The following KDM1B variants were observed in gnomAD, a reference collection of about 807,000 sequenced individuals.
KDM1B encodes the protein lysine demethylase 1B.
In KDM1B, 63 loss-of-function variants were observed where a neutral mutation model predicts 107.4. The ratio of observed to expected loss-of-function variants is 0.59; its 90% CI spans 0.48 to 0.72. The LOEUF (loss-of-function observed/expected upper bound fraction) is 0.72. KDM1B is among the 30% of genes least tolerant of loss of function. KDM1B has a pLI of 0.00. For synonymous variants in KDM1B, 363 were observed against 363.9 expected (o/e 1.00, Z 0.03); for missense variants, 749 against 1,020.8 (o/e 0.73, Z 3.63).
intron 16 of KDM1B, 139 bp downstream of exon 16, chr6:18,207,668 T>C (rs1367417610): frequency 5.3e-6 from 5 of 942,558 alleles, no homozygotes; most frequent in Middle Eastern, 2.6e-4. Context: ...GGCTCATTCG[T>C]AGCCTGTGTA....
intron 5 of KDM1B, among the ~76,000 whole-genome samples, chr6:18,163,717 T>A (rs1195797864): frequency 6.6e-6 from 1 of 152,230 alleles, no homozygotes; most frequent in Non-Finnish European, 1.5e-5. Context: ...TTTACAAATA[T>A]TTGGGACACC....
chr6:18,160,048 G>T (rs1784875252), intron 3 of KDM1B, 66 bp downstream of exon 3: 3 of 1,068,618 alleles, frequency 2.8e-6, no homozygotes, highest in South Asian at 1.5e-5. Context: ...TGGGACTGGA[G>T]AATTAGAGTT....
In KDM1B at chr6:18,185,823, G is replaced by C. The variant is rs747817790; in HGVS notation, c.573+13G>C. On this transcript the variant is annotated intron_variant, in intron 8 of 21. Coordinates refer to ENST00000650836, the MANE Select transcript of KDM1B (RefSeq NM_001364614.2). ...CCCAGAGGATCTAGTGAGTATTTCC[G>C]GATGGTGTGGATTGGGGTTAATTGT... 10 of 1,612,350 alleles carry C rather than the reference G, an allele frequency of 6.2e-6. No individual in the cohort carries two copies. In the South Asian group the frequency reaches 9.9e-5, roughly 16 times the overall value.
At chr6:18,178,265 T>C (rs1786173946) in intron 7 of KDM1B, among the ~76,000 whole-genome samples, 1 of 151,750 alleles carries the variant, frequency 6.6e-6, no homozygotes, top group Non-Finnish European at 1.5e-5. Context: ...TTTACATTTT[T>C]AGTAGAGATG....
At chr6:18,192,888 A>G (rs1037868725) in intron 10 of KDM1B, among the ~76,000 whole-genome samples, 2 of 152,080 alleles carry the variant, frequency 1.3e-5, no homozygotes, top group African/African-American at 4.8e-5. Context: ...GTTTTTCATA[A>G]GATACAATTT....
intron 20 of KDM1B, among the ~76,000 whole-genome samples, chr6:18,215,566 T>G (rs1325249433): frequency 3.3e-5 from 5 of 152,108 alleles, no homozygotes. Flanking sequence ...CACTTTAAAG[T>G]AATTACCCAT....
chr6:18,210,342 C>CTTTTTTTTTGT (rs1788743442), intron 17 of KDM1B, among the ~76,000 whole-genome samples: 1 of 69,990 alleles, frequency 1.4e-5, no homozygotes. Context: ...TCTTTCTTTT[C>CTTTTTTTTTGT]TTTTTTTTTT....
chr6:18,200,355 C>T lies in KDM1B; in HGVS notation c.1222-84C>T. On this transcript the variant is annotated intron_variant, in intron 12 of 21. Coordinates refer to ENST00000650836, the MANE Select transcript of KDM1B (RefSeq NM_001364614.2). This position sits in a 1 kb window ranked among gnomAD's most constrained non-coding sequence, Gnocchi z 4.3. Reference sequence around the variant, plus strand: ...TTAACCAAATATAGAGGCTATTTAACAGTGTCCTTCTACATTTTTATAATA... The same window carrying T: ...TTAACCAAATATAGAGGCTATTTAATAGTGTCCTTCTACATTTTTATAATA... 2 of 1,293,878 alleles carry T rather than the reference C, an allele frequency of 1.5e-6. No homozygotes were observed. Among genetic ancestry groups the T allele is most frequent in the Non-Finnish European group, 2.1e-6 (2 of 935,146 alleles). The allele number at this position is 1,293,878 out of a possible 1,614,324, so 80.1% of individuals were successfully genotyped here.
rs1430255707 is a variant in KDM1B, at chr6:18,201,346, C to T, written c.1360-140C>T. On this transcript the variant is annotated intron_variant, in intron 13 of 21. Transcript: ENST00000650836. The surrounding 1 kb of genome is among the most constrained non-coding windows in gnomAD (Gnocchi z 4.3). ...CACTGCCTGACTTTGCTGCCATTCC[C>T]CGTGAAGCATATTTAGCTTTATTTT... is the stretch of plus-strand genomic sequence containing the variant. 3 of 620,922 alleles carry T rather than the reference C, an allele frequency of 4.8e-6. No homozygotes were observed. The highest frequency in any genetic ancestry group is 8.3e-6 in the Non-Finnish European group (3 of 360,338). 38.5% of individuals were successfully genotyped at this position (620,922 alleles called of 1,614,324 possible). A position where few individuals can be genotyped will look rare whatever the true frequency, so the allele number is the denominator to read the frequency against.
intron 6 of KDM1B, among the ~76,000 whole-genome samples, chr6:18,170,442 G>A (rs537566237): frequency 4.5e-4 from 69 of 152,048 alleles, no homozygotes; most frequent in African/African-American, 1.3e-3. Flanking sequence ...TAGTATGCAT[G>A]CTTTTTGACT....
chr6:18,212,566 A>T lies in KDM1B; in HGVS notation c.1945A>T (p.Lys649Ter), dbSNP rs764813465. Residue 649 changes from lysine (K) to a stop codon, truncating the protein, a stop_gained, in exon 18 of 22, where the codon AAG (lysine) becomes TAG (stop). Transcript: ENST00000650836. LOFTEE classifies it high-confidence loss of function. The surrounding 1 kb of genome is among the most constrained non-coding windows in gnomAD (Gnocchi z 5.2). The part of the protein sequence containing the change: ...FNPPLSEKKM[K>*]AINSLGAGII... Reference sequence around the variant, plus strand: ...TCCACCGTTGTCAGAGAAGAAGATGAAGGCTATCAACAGCTTAGGCGCAGG... The same window carrying T: ...TCCACCGTTGTCAGAGAAGAAGATGTAGGCTATCAACAGCTTAGGCGCAGG... 6.2e-7 allele frequency: 1 copy of T among 1,614,096 alleles called. No individual in the cohort carries two copies. The highest frequency in any genetic ancestry group is 1.1e-5 in the South Asian group (1 of 91,084).
chr6:18,217,919 A>G, intron 21 of KDM1B, 34 bp downstream of exon 21: 1 of 1,594,542 alleles, frequency 6.3e-7, no homozygotes, highest in East Asian at 2.2e-5. Context: ...AATTATTTGT[A>G]TTTTGATTTC....
Position 18,222,223 on chromosome 6 carries a change from GA to G in KDM1B, c.*234del. ...ATTTTCCATAGGTTCAACTACTGCT[GA>G]AAGTCTGGATTTCAGAATAAAGCAG... On this transcript the variant is annotated 3_prime_UTR_variant, in exon 22 of 22. Transcript: ENST00000650836. 1 of 634,000 alleles carries G rather than the reference GA, an allele frequency of 1.6e-6. No homozygotes were observed. Among genetic ancestry groups the G allele is most frequent in the African/African-American group, 1.8e-5 (1 of 55,722 alleles). 39.3% of individuals were successfully genotyped at this position (634,000 alleles called of 1,614,324 possible).
At chr6:18,170,222 T>C (rs113554712) in intron 6 of KDM1B, among the ~76,000 whole-genome samples, 1,529 of 152,320 alleles carry the variant, frequency 0.01, 30 homozygotes, top group African/African-American at 0.035. Context: ...TTAAATTTAC[T>C]GAGTTGCTAA....
Position 18,200,637 on chromosome 6 carries a change from G to C in KDM1B, c.1359+61G>C. The C allele has an allele frequency of 6.5e-7, 1 of 1,533,566 alleles. No homozygotes were observed. The highest frequency in any genetic ancestry group is 8.9e-7 in the Non-Finnish European group (1 of 1,127,534). 95.0% of individuals were successfully genotyped at this position (1,533,566 alleles called of 1,614,324 possible). On this transcript the variant is annotated intron_variant, in intron 13 of 21. Coordinates refer to ENST00000650836, the MANE Select transcript of KDM1B (RefSeq NM_001364614.2). This position sits in a 1 kb window ranked among gnomAD's most constrained non-coding sequence, Gnocchi z 4.3. The stretch of plus-strand genomic sequence containing the variant: ...AAAGAAAAACAGTTTCAATTTGCTT[G>C]TGTGCAGTATTAATATGCTTCTAAA...
At chr6:18,193,700 G>A (rs1425904221) in intron 10 of KDM1B, among the ~76,000 whole-genome samples, 3 of 151,998 alleles carry the variant, frequency 2.0e-5, no homozygotes, top group African/African-American at 4.8e-5. Context: ...TGAATATTTG[G>A]TTCTGGTGGA....
chr6:18,168,038 G>A (rs936675818), intron 6 of KDM1B, among the ~76,000 whole-genome samples: 1 of 152,174 alleles, frequency 6.6e-6, no homozygotes, highest in African/African-American at 2.4e-5. Context: ...AGGATTACAG[G>A]TGTGAGCCAC....
intron 20 of KDM1B, 86 bp from the exon 21 acceptor site, chr6:18,217,647 G>T (rs1379907113): frequency 1.9e-5 from 21 of 1,116,050 alleles, no homozygotes; most frequent in Non-Finnish European, 2.8e-5. Flanking sequence ...AAAGTGCTGG[G>T]ATGGGACTAC....
chr6:18,167,374 T>A (rs1292840479), intron 6 of KDM1B, among the ~76,000 whole-genome samples: 2 of 151,690 alleles, frequency 1.3e-5, no homozygotes, highest in Non-Finnish European at 2.9e-5. Flanking sequence ...AAAAAAAAAA[T>A]TAAATTGACC....
Sources: allele counts gnomAD v4.1 joint callset (sites outside exome capture counted in the v4.1 genomes callset), GRCh38; gene constraint gnomAD v4.1.1; non-coding constraint Gnocchi (gnomAD v3.1); transcripts MANE v1.5; gene names NCBI Gene and HGNC (gene_info 2026-07-23, HGNC 2026-07-21).